SH3PXD2A: variants seen among roughly 807,000 people sequenced by gnomAD.
SH3PXD2A encodes SH3 and PX domains 2A.
SH3PXD2A carries 32 observed loss-of-function variants against 115.2 expected under a neutral mutation model. The observed-to-expected ratio is 0.28, with a 90% CI of 0.21 to 0.37. The LOEUF (loss-of-function observed/expected upper bound fraction) is 0.37. SH3PXD2A is among the 10% of genes least tolerant of loss of function. The pLI is 1.00. For synonymous variants in SH3PXD2A, 610 were observed against 629.1 expected (o/e 0.97, Z 0.45); for missense variants, 1,328 against 1,498.7 (o/e 0.89, Z 1.88).
chr10:103,708,841 C>A (rs1333235301), intron 5 of SH3PXD2A, among the ~76,000 whole-genome samples: 1 of 152,130 alleles, frequency 6.6e-6, no homozygotes, highest in African/African-American at 2.4e-5. Flanking sequence ...CCGTGCCCAG[C>A]ACATGAGGGG....
chr10:103,653,557 C>A (rs1488102158), intron 8 of SH3PXD2A, among the ~76,000 whole-genome samples: 4 of 152,162 alleles, frequency 2.6e-5, no homozygotes, highest in Non-Finnish European at 5.9e-5. Flanking sequence ...ATGAGAGGTC[C>A]ACAGAGCCAG....
chr10:103,798,964 T>C (rs572130038), intron 2 of SH3PXD2A, among the ~76,000 whole-genome samples: 1 of 152,308 alleles, frequency 6.6e-6, no homozygotes, highest in South Asian at 2.1e-4. Flanking sequence ...GGCAACTCAC[T>C]AGGCAACTAA....
chr10:103,612,537 T>G (rs1349655686), intron 12 of SH3PXD2A, among the ~76,000 whole-genome samples: 1 of 152,250 alleles, frequency 6.6e-6, no homozygotes, highest in African/African-American at 2.4e-5. Context: ...AAAACATTTC[T>G]TGCTCTTGGA....
At chr10:103,684,232 G>A (rs188988125) in intron 6 of SH3PXD2A, among the ~76,000 whole-genome samples, 27 of 152,212 alleles carry the variant, frequency 1.8e-4, no homozygotes, top group Admixed American at 1.4e-3. Flanking sequence ...TGGTTCCAGG[G>A]CTTGGTGGGA....
chr10:103,763,872 T>C (rs964619061), intron 3 of SH3PXD2A, among the ~76,000 whole-genome samples: 1 of 152,240 alleles, frequency 6.6e-6, no homozygotes, highest in Admixed American at 6.5e-5. Flanking sequence ...AACAGTTTTG[T>C]GGTGCCATTC....
intron 11 of SH3PXD2A, among the ~76,000 whole-genome samples, chr10:103,615,226 A>G (rs1265264295): frequency 3.3e-5 from 5 of 152,232 alleles, no homozygotes; most frequent in Non-Finnish European, 2.9e-5. Flanking sequence ...CGATTTTTCT[A>G]CATGGACACT....
chr10:103,745,146 G>A (rs1010713951), intron 3 of SH3PXD2A, among the ~76,000 whole-genome samples: 4 of 152,198 alleles, frequency 2.6e-5, no homozygotes, highest in Non-Finnish European at 5.9e-5. Flanking sequence ...GCCCCAAGCT[G>A]CTAGGAAGCA....
At chr10:103,760,025 A>G (rs1222328460) in intron 3 of SH3PXD2A, among the ~76,000 whole-genome samples, 1 of 152,270 alleles carries the variant, frequency 6.6e-6, no homozygotes, top group Non-Finnish European at 1.5e-5. Flanking sequence ...AGGTGCTTGC[A>G]TAGCAAACAG....
intron 10 of SH3PXD2A, among the ~76,000 whole-genome samples, chr10:103,618,320 C>T (rs1460068859): frequency 1.3e-5 from 2 of 152,322 alleles, no homozygotes; most frequent in African/African-American, 4.8e-5. Flanking sequence ...GAGGGTGTTT[C>T]TTCCATGCCT....
In SH3PXD2A at chr10:103,855,404, C is replaced by T. The variant is rs1448418002; in HGVS notation, c.-138G>A. The stretch of plus-strand genomic sequence containing the variant: ...GCGCGCCGAACGCTGCCCGGACTCC[C>T]GGCGCCCACAGGTCCGGCCCAGGGA... On this transcript the variant is annotated 5_prime_UTR_variant, in exon 1 of 15. Transcript: ENST00000369774. 5.5e-6 allele frequency: 3 copies of T among 541,414 alleles called. No individual in the cohort carries two copies. Among genetic ancestry groups the T allele is most frequent in the African/African-American group, 4.1e-5 (2 of 49,056 alleles). 33.5% of individuals were successfully genotyped at this position (541,414 alleles called of 1,614,324 possible). A position where few individuals can be genotyped will look rare whatever the true frequency, so the allele number is the denominator to read the frequency against.
At chr10:103,650,064 A>T (rs1203098068) in intron 8 of SH3PXD2A, among the ~76,000 whole-genome samples, 1 of 152,232 alleles carries the variant, frequency 6.6e-6, no homozygotes, top group Non-Finnish European at 1.5e-5. Flanking sequence ...GAGGGGAGTT[A>T]GAAAAACAGG....
At chr10:103,830,623 G>A (rs1199191324) in intron 1 of SH3PXD2A, among the ~76,000 whole-genome samples, 12 of 152,202 alleles carry the variant, frequency 7.9e-5, no homozygotes, top group Non-Finnish European at 1.8e-4. Context: ...AAGTGTGGTG[G>A]ACATGAGTAT....
At chr10:103,658,249 C>T (rs1233052031) in intron 8 of SH3PXD2A, among the ~76,000 whole-genome samples, 3 of 152,238 alleles carry the variant, frequency 2.0e-5, no homozygotes, top group Non-Finnish European at 1.5e-5. Context: ...GAGGCACTCC[C>T]AGCCAAGTGA....
intron 6 of SH3PXD2A, among the ~76,000 whole-genome samples, chr10:103,678,833 C>T (rs535840139): frequency 1.3e-5 from 2 of 152,292 alleles, no homozygotes; most frequent in South Asian, 4.1e-4. Flanking sequence ...CTGGGCTCTT[C>T]CTAACAATAA....
intron 8 of SH3PXD2A, among the ~76,000 whole-genome samples, chr10:103,652,624 A>G (rs900691707): frequency 2.0e-5 from 3 of 152,244 alleles, no homozygotes; most frequent in Non-Finnish European, 2.9e-5. Context: ...TACTCCCCAG[A>G]AAGTGTTTGC....
intron 3 of SH3PXD2A, among the ~76,000 whole-genome samples, chr10:103,759,556 AGAGGGAGTGCAGCTCTTTTTGCT>A (rs1451028712): frequency 6.6e-6 from 1 of 152,236 alleles, no homozygotes; most frequent in African/African-American, 2.4e-5. Context: ...CAGCCTTTGC[AGAGGGAGTGCAGCTCTTTTTGCT>A]CCACTGCCTG....
At chr10:103,742,252 A>G (rs531134435) in intron 3 of SH3PXD2A, among the ~76,000 whole-genome samples, 1 of 152,192 alleles carries the variant, frequency 6.6e-6, no homozygotes, top group East Asian at 1.9e-4. Flanking sequence ...CATCAGGGAG[A>G]GTTCTTCTGC....
At chr10:103,638,868 G>A (rs2036906306) in intron 8 of SH3PXD2A, among the ~76,000 whole-genome samples, 2 of 152,354 alleles carry the variant, frequency 1.3e-5, no homozygotes, top group African/African-American at 2.4e-5. Flanking sequence ...TAGGTCTTGG[G>A]TGTCTGGAGT....
intron 3 of SH3PXD2A, among the ~76,000 whole-genome samples, chr10:103,757,366 T>C (rs2134213190): frequency 6.6e-6 from 1 of 152,352 alleles, no homozygotes; most frequent in South Asian, 2.1e-4. Flanking sequence ...GGGTGCATTT[T>C]CTGCGTCTTA....
Sources: gnomAD v4.1 joint callset for allele counts (sites outside exome capture counted in the v4.1 genomes callset) on GRCh38, gnomAD v4.1.1 for gene constraint, MANE v1.5 for transcripts, NCBI Gene and HGNC (gene_info 2026-07-23, HGNC 2026-07-21) for gene names.